The following ZC3H12B variants were observed in gnomAD, a reference collection of about 807,000 sequenced individuals.
The protein encoded by ZC3H12B is zinc finger CCCH-type containing 12B, also known as probable ribonuclease ZC3H12B.
A neutral mutation model predicts 43.9 loss-of-function variants in ZC3H12B; 7 were observed. The observed-to-expected ratio is 0.16, with a 90% CI of 0.09 to 0.30. The LOEUF (loss-of-function observed/expected upper bound fraction) is 0.30, where lower values mean the gene tolerates loss of function less well. ZC3H12B is among the 10% of genes least tolerant of loss of function. ZC3H12B has a pLI of 1.00. For synonymous variants in ZC3H12B, 222 were observed against 241.7 expected, an observed-to-expected ratio of 0.92 and a Z score of 0.76; for missense variants, 475 against 670.2, an observed-to-expected ratio of 0.71 and a Z score of 3.22.
chrX:65,161,551 T>G, the ZC3H12B span, among the ~76,000 whole-genome samples: 36 of 111,867 alleles, frequency 3.2e-4, no homozygotes, highest in Non-Finnish European at 5.6e-4. Flanking sequence ...TTTGTTGGTT[T>G]AAAGTCTGTT....
chrX:65,132,681 C>T, the ZC3H12B span, among the ~76,000 whole-genome samples: 3 of 111,267 alleles, frequency 2.7e-5, no homozygotes, highest in Non-Finnish European at 3.8e-5. Context: ...ACAATGTTGT[C>T]CAAGTTCGCA....
chrX:65,272,798 C>T, the ZC3H12B span: 10 of 112,232 alleles, frequency 8.9e-5, no homozygotes, highest in Non-Finnish European at 1.1e-4. Context: ...ACTTCATTTA[C>T]ACTAGCTAAA....
At chrX:65,262,675 T>G in the ZC3H12B span, among the ~76,000 whole-genome samples, 1 of 111,042 alleles carries the variant, frequency 9.0e-6, no homozygotes, top group Non-Finnish European at 1.9e-5. Flanking sequence ...GTAGCTATGT[T>G]TTAAGACTTG....
the ZC3H12B span, among the ~76,000 whole-genome samples, chrX:65,236,807 G>T: frequency 9.0e-6 from 1 of 111,730 alleles, no homozygotes; most frequent in African/African-American, 3.3e-5. Flanking sequence ...ATAGGGGATT[G>T]TCTTCCCATT....
chrX:65,470,866 GT>G (rs1356011011), intron 3 of ZC3H12B, among the ~76,000 whole-genome samples: 1 of 111,845 alleles, frequency 8.9e-6, no homozygotes, highest in Non-Finnish European at 1.9e-5. Context: ...TTGACTTCTA[GT>G]TTTTTTCTAC....
chrX:65,222,643 A>G, the ZC3H12B span, among the ~76,000 whole-genome samples: 1 of 97,224 alleles, frequency 1.0e-5, no homozygotes, highest in African/African-American at 4.4e-5. Context: ...AATAATAATA[A>G]TAATAATAAA....
chrX:65,371,387 C>A (rs1300369439), intron 2 of ZC3H12B, among the ~76,000 whole-genome samples: 1 of 111,592 alleles, frequency 9.0e-6, no homozygotes, highest in Non-Finnish European at 1.9e-5. Context: ...ATAGCCAGTA[C>A]ACGATGGATC....
At chrX:65,482,000 G>A (rs911515192) in intron 3 of ZC3H12B, among the ~76,000 whole-genome samples, 4 of 111,220 alleles carry the variant, frequency 3.6e-5, no homozygotes, top group Non-Finnish European at 7.5e-5. Flanking sequence ...GAATTGCCCC[G>A]ATCCTTGTGT....
chrX:65,376,492 G>T (rs1453561800), intron 2 of ZC3H12B, among the ~76,000 whole-genome samples: 1 of 111,560 alleles, frequency 9.0e-6, no homozygotes, highest in South Asian at 3.8e-4. Flanking sequence ...CTGGCCTCAG[G>T]TCTGACCCAG....
At chrX:65,173,712 G>A in the ZC3H12B span, among the ~76,000 whole-genome samples, 1 of 111,860 alleles carries the variant, frequency 8.9e-6, no homozygotes, top group Non-Finnish European at 1.9e-5. Flanking sequence ...CTGTTTTTGT[G>A]ATCAATTACA....
chrX:65,435,451 T>C (rs2067208178), intron 3 of ZC3H12B, among the ~76,000 whole-genome samples: 1 of 111,887 alleles, frequency 8.9e-6, no homozygotes, highest in African/African-American at 3.2e-5. Flanking sequence ...GTTCATACAA[T>C]GGACAATCAG....
chrX:65,255,036 T>A, the ZC3H12B span, among the ~76,000 whole-genome samples: 25,674 of 110,614 alleles, frequency 0.23, 7,175 homozygotes, highest in African/African-American at 0.8. Context: ...AGAAGAATAA[T>A]AAACACCTCT....
At chrX:65,213,536 A>G in the ZC3H12B span, among the ~76,000 whole-genome samples, 1 of 110,789 alleles carries the variant, frequency 9.0e-6, no homozygotes, top group Admixed American at 9.8e-5. Flanking sequence ...TATAGTTTGA[A>G]TGTTTGTCCC....
At chrX:65,369,564 C>T (rs1240342729) in intron 2 of ZC3H12B, among the ~76,000 whole-genome samples, 1 of 111,532 alleles carries the variant, frequency 9.0e-6, no homozygotes, top group Non-Finnish European at 1.9e-5. Context: ...CATTGTGCCC[C>T]TACTTTATTT....
chrX:65,119,371 G>T, the ZC3H12B span, among the ~76,000 whole-genome samples: 5 of 111,731 alleles, frequency 4.5e-5, no homozygotes, highest in African/African-American at 1.6e-4. Flanking sequence ...ATCTCATTGT[G>T]GTTTTGATTT....
chrX:65,373,897 A>ATATATATATATATATATACAC (rs1215963583), intron 2 of ZC3H12B, among the ~76,000 whole-genome samples: 2 of 27,348 alleles, frequency 7.3e-5, no homozygotes, highest in African/African-American at 3.5e-4. Context: ...GTATAGTAAT[A>ATATATATATATATATATACAC]TATATATATA....
intron 3 of ZC3H12B, among the ~76,000 whole-genome samples, chrX:65,459,498 G>T (rs2067697932): frequency 9.0e-6 from 1 of 111,542 alleles, no homozygotes. Context: ...ACATCAAAAA[G>T]CTTATCCACC....
At chrX:65,254,107 G>C in the ZC3H12B span, among the ~76,000 whole-genome samples, 1 of 111,832 alleles carries the variant, frequency 8.9e-6, no homozygotes, top group African/African-American at 3.3e-5. Flanking sequence ...CACACGAATG[G>C]AGACCTCCAT....
At chrX:65,150,219 G>C in the ZC3H12B span, among the ~76,000 whole-genome samples, 1 of 110,371 alleles carries the variant, frequency 9.1e-6, no homozygotes, top group African/African-American at 3.3e-5. Flanking sequence ...ACATAAAGGT[G>C]GCAGGAATCT....
Sources: allele counts gnomAD v4.1 joint callset (sites outside exome capture counted in the v4.1 genomes callset), GRCh38; gene constraint gnomAD v4.1.1; transcripts MANE v1.5; gene names NCBI Gene and HGNC (gene_info 2026-07-23, HGNC 2026-07-21).